The following ZNF814 variants were observed in gnomAD, a reference collection of about 807,000 sequenced individuals.
The protein encoded by ZNF814 is zinc finger protein 814.
In ZNF814, 5 loss-of-function variants were observed where a neutral mutation model predicts 7.5. The ratio of observed to expected loss-of-function variants is 0.67; its 90% CI spans 0.35 to 1.40. ZNF814 has a LOEUF of 1.40. Ranked by LOEUF, ZNF814 falls within the 40% of genes most tolerant of loss-of-function variation. ZNF814 has a pLI of 0.04. For synonymous variants in ZNF814, 315 were observed against 340.7 expected, an observed-to-expected ratio of 0.92 and a Z score of 0.83; for missense variants, 962 against 1,018.0, an observed-to-expected ratio of 0.94 and a Z score of 0.75.
At chr19:57,893,092 G>A (rs2071741338), upstream of ZNF814, among the ~76,000 whole-genome samples, 2 of 152,106 alleles carry the variant, frequency 1.3e-5, no homozygotes, top group Non-Finnish European at 2.9e-5. Flanking sequence ...GTCACTAGAG[G>A]CTCTCAGGGA....
the ZNF814 span, among the ~76,000 whole-genome samples, chr19:57,895,213 C>A: frequency 6.6e-6 from 1 of 152,040 alleles, no homozygotes; most frequent in Non-Finnish European, 1.5e-5. Context: ...AGGACTCTAA[C>A]CTTCCTAAAT....
Position 57,869,770 on chromosome 19 carries a change from C to G in ZNF814, c.*3052G>C, listed in dbSNP as rs2071540402. 6.6e-6 allele frequency: 1 copy of G among 151,890 alleles called. No homozygotes were observed. The highest frequency in any genetic ancestry group is 1.5e-5 in the Non-Finnish European group (1 of 68,006). 9.4% of individuals were successfully genotyped at this position (151,890 alleles called of 1,614,324 possible). A position where few individuals can be genotyped will look rare whatever the true frequency, so the allele number is the denominator to read the frequency against. ...GATCAGCCTGGCCAACATGGCAAAA[C>G]TCCGTCTCTACTAAAAATACAAAAC... On this transcript the variant is annotated 3_prime_UTR_variant, in exon 3 of 3. Coordinates refer to ENST00000435989, the MANE Select transcript of ZNF814 (RefSeq NM_001144989.2).
chr19:57,872,825 T>C lies in ZNF814; in HGVS notation c.2565A>G (p.Ile855Met), dbSNP rs1306491335. 3 of 1,611,734 alleles carry C rather than the reference T, an allele frequency of 1.9e-6. No individual in the cohort carries two copies. Among genetic ancestry groups the C allele is most frequent in the South Asian group, 1.1e-5 (1 of 90,802 alleles). Residue 855 changes from isoleucine (I) to methionine (M), a missense_variant, in exon 3 of 3, where the codon ATA (isoleucine) becomes ATG (methionine). Physicochemically the swap from Ile to Met is conservative, Grantham distance 10 (BLOSUM62 1). Coordinates refer to ENST00000435989, the MANE Select transcript of ZNF814 (RefSeq NM_001144989.2). ...AACTTTCTGACAATCCTCACACTCA[T>C]ATGGCTTTTCTCCAGTGTGAACTCT... is the stretch of plus-strand genomic sequence containing the variant. ...VHQSSHWRKA[I>M]
chr19:57,888,159 T>G (rs1184102459), intron 1 of ZNF814, among the ~76,000 whole-genome samples: 1 of 152,230 alleles, frequency 6.6e-6, no homozygotes. Flanking sequence ...AACAGTGTTA[T>G]GTTTAACCTT....
At chr19:57,882,644 T>C (rs2071658218) in intron 1 of ZNF814, among the ~76,000 whole-genome samples, 1 of 134,862 alleles carries the variant, frequency 7.4e-6, no homozygotes, top group African/African-American at 3.3e-5. Flanking sequence ...TCAGATCTTA[T>C]TCAAGACCAC....
chr19:57,876,793 TACCC>T lies in ZNF814; in HGVS notation c.163+119_163+122del, dbSNP rs1478683161. The stretch of plus-strand genomic sequence containing the variant: ...ACCTCAGACCTACCAACCAAGAACC[TACCC>T]ACAGAACTGAAGCAGGAAGCTGTGT... On this transcript the variant is annotated intron_variant, in intron 2 of 2. Transcript: ENST00000435989. The T allele has an allele frequency of 3.3e-6, 5 of 1,513,126 alleles. No individual in the cohort carries two copies. The African/African-American group carries it at 6.9e-5, about 21-fold the overall frequency. The allele number at this position is 1,513,126 out of a possible 1,614,324, so 93.7% of individuals were successfully genotyped here.
Position 57,877,511 on chromosome 19 carries a change from C to T in ZNF814, c.37-469G>A, listed in dbSNP as rs139403812. On this transcript the variant is annotated intron_variant, in intron 1 of 2. Coordinates refer to ENST00000435989, the MANE Select transcript of ZNF814 (RefSeq NM_001144989.2). ...CAGGCTGAATGTAGTGGCATGATCT[C>T]GGCTCACTGCAACCTCCACCTCCTG... Among the ~76,000 whole-genome samples the T allele has an allele frequency of 8.0e-3, 1,222 of 152,148 alleles. 15 individuals are homozygous for T. Among genetic ancestry groups the T allele is most frequent in the African/African-American group, 0.028 (1,141 of 41,480 alleles).
At chr19:57,894,009 G>A (rs1240961095), upstream of ZNF814, among the ~76,000 whole-genome samples, 1 of 151,998 alleles carries the variant, frequency 6.6e-6, no homozygotes, top group East Asian at 1.9e-4. Context: ...CTTGAACCCA[G>A]GAGGTGGAGG....
At chr19:57,900,777 G>T in the ZNF814 span, among the ~76,000 whole-genome samples, 2 of 149,868 alleles carry the variant, frequency 1.3e-5, no homozygotes, top group Non-Finnish European at 3.0e-5. Context: ...TGCAGTTATG[G>T]GAATCCCAGA....
Position 57,875,943 on chromosome 19 carries a change from C to CTTTTTTTT in ZNF814, c.164-725_164-718dup, listed in dbSNP as rs567660556. Among the ~76,000 whole-genome samples, 73 of 71,420 alleles carry CTTTTTTTT rather than the reference C, an allele frequency of 1.0e-3. 4 individuals carry two copies. Among genetic ancestry groups the CTTTTTTTT allele is most frequent in the Non-Finnish European group, 1.4e-3 (52 of 37,392 alleles). The allele number at this position is 71,420 out of a possible 152,430, so 46.9% of individuals were successfully genotyped here. ...CTCCATGACCTCCTCCAGGGTGCCG[C>CTTTTTTTT]TTTTTTTTTTTTTTTTTTTTTTTTT... is the stretch of plus-strand genomic sequence containing the variant. On this transcript the variant is annotated intron_variant, in intron 2 of 2. Coordinates refer to ENST00000435989, the MANE Select transcript of ZNF814 (RefSeq NM_001144989.2).
intron 1 of ZNF814, among the ~76,000 whole-genome samples, chr19:57,884,113 C>T (rs1362038056): frequency 2.0e-5 from 3 of 152,094 alleles, no homozygotes; most frequent in African/African-American, 7.2e-5. Flanking sequence ...CAAAATTGGA[C>T]TAATGGCATC....
At chr19:57,900,025 A>G in the ZNF814 span, among the ~76,000 whole-genome samples, 1 of 152,180 alleles carries the variant, frequency 6.6e-6, no homozygotes, top group African/African-American at 2.4e-5. Flanking sequence ...TAAATCTAAG[A>G]TATTTCCATT....
At position 57,872,927 on chromosome 19, in the gene ZNF814, A is replaced by G; in HGVS notation, c.2463T>C (p.Val821=). ...ATTTATAAGGCTTTTCTCCAGTGTG[A>G]ACTCTCTTGTGTTTAGTGAGACTGG... is the stretch of plus-strand genomic sequence containing the variant. ...ESSSLTKHKR[V]HTGEKPYKCE... is the part of the protein sequence containing the mutation. The change falls in exon 3 of 3, where the codon GTT becomes GTC. Residue 821 remains valine (V), a synonymous_variant. Transcript: ENST00000435989. The G allele has an allele frequency of 6.2e-7, 1 of 1,613,414 alleles. No homozygotes were observed. The highest frequency in any genetic ancestry group is 8.5e-7 in the Non-Finnish European group (1 of 1,179,818).
chr19:57,889,805 G>A (rs560493088), upstream of ZNF814, among the ~76,000 whole-genome samples: 4 of 152,190 alleles, frequency 2.6e-5, no homozygotes, highest in African/African-American at 4.8e-5. Flanking sequence ...CAGAGGTTGC[G>A]GTGAGTGAGA....
At chr19:57,883,536 C>T (rs1335913817) in intron 1 of ZNF814, among the ~76,000 whole-genome samples, 1 of 151,510 alleles carries the variant, frequency 6.6e-6, no homozygotes, top group Non-Finnish European at 1.5e-5. Context: ...TAGTGCACAC[C>T]TGTAGTCCCA....
At chr19:57,884,791 C>G (rs761592812) in intron 1 of ZNF814, among the ~76,000 whole-genome samples, 5 of 152,134 alleles carry the variant, frequency 3.3e-5, no homozygotes, top group Non-Finnish European at 7.3e-5. Flanking sequence ...AAAAGGACCT[C>G]TCGTACACTG....
In ZNF814 at chr19:57,869,589, AC is replaced by A. The variant is rs1205602865; in HGVS notation, c.*3232del. On this transcript the variant is annotated 3_prime_UTR_variant, in exon 3 of 3. Coordinates refer to ENST00000435989, the MANE Select transcript of ZNF814 (RefSeq NM_001144989.2). ...GATTATATGAAACTCAAGATTTATC[AC>A]ATGCTACAGCTTAAATATGCATAGC... is the stretch of plus-strand genomic sequence containing the variant. 1 of 152,202 alleles carries A rather than the reference AC, an allele frequency of 6.6e-6. No individual in the cohort carries two copies. Among genetic ancestry groups the A allele is most frequent in the African/African-American group, 2.4e-5 (1 of 41,452 alleles). The allele number at this position is 152,202 out of a possible 1,614,324, so 9.4% of individuals were successfully genotyped here.
chr19:57,901,572 A>T, the ZNF814 span: 1 of 398,386 alleles, frequency 2.5e-6, no homozygotes, highest in African/African-American at 2.1e-5. Context: ...GGAAGAGAGG[A>T]CTCTGGGAAG....
In ZNF814 at chr19:57,869,389, G is replaced by T. The variant is rs906857155; in HGVS notation, c.*3433C>A. 1 of 150,378 alleles carries T rather than the reference G, an allele frequency of 6.6e-6. No homozygotes were observed. Among genetic ancestry groups the T allele is most frequent in the Admixed American group, 6.6e-5 (1 of 15,044 alleles). 9.3% of individuals were successfully genotyped at this position (150,378 alleles called of 1,614,324 possible). A position where few individuals can be genotyped will look rare whatever the true frequency, so the allele number is the denominator to read the frequency against. ...GAGAGAGCACCCAGGGATTATAAGA[G>T]GAAACACTTTATTACATCACTCATC... On this transcript the variant is annotated 3_prime_UTR_variant, in exon 3 of 3. Coordinates refer to ENST00000435989, the MANE Select transcript of ZNF814 (RefSeq NM_001144989.2).
Sources: allele counts gnomAD v4.1 joint callset (sites outside exome capture counted in the v4.1 genomes callset), GRCh38; gene constraint gnomAD v4.1.1; transcripts MANE v1.5; gene names NCBI Gene and HGNC (gene_info 2026-07-23, HGNC 2026-07-21).